The following PRKG1 variants were observed in gnomAD, a reference collection of about 807,000 sequenced individuals.
The protein encoded by PRKG1 is protein kinase cGMP-dependent 1, also known as cGMP-dependent protein kinase 1.
Under a neutral mutation model 88.1 loss-of-function variants are expected in PRKG1, and 35 were observed. The observed-to-expected ratio is 0.40, with a 90% confidence interval of 0.30 to 0.53. PRKG1 has a LOEUF of 0.53. PRKG1 is among the 20% of genes least tolerant of loss of function. The pLI, the probability that PRKG1 is intolerant of heterozygous loss-of-function variation, is 0.59. For missense variants in PRKG1, 540 were observed against 839.8 expected, an observed-to-expected ratio of 0.64 and a Z score of 4.41; for synonymous variants, 303 against 292.5, an observed-to-expected ratio of 1.04 and a Z score of -0.37.
intron 1 of PRKG1, among the ~76,000 whole-genome samples, chr10:51,062,110 T>C (rs758460130): frequency 1.3e-5 from 2 of 152,196 alleles, no homozygotes; most frequent in African/African-American, 2.4e-5. Flanking sequence ...TTGCTCCTGA[T>C]GGGCAGGAAG....
At chr10:52,089,872 T>A (rs1484022914) in intron 7 of PRKG1, among the ~76,000 whole-genome samples, 1 of 128,934 alleles carries the variant, frequency 7.8e-6, no homozygotes, top group African/African-American at 2.9e-5. Flanking sequence ...TGCAGTGGAG[T>A]GGCACAATCT....
At chr10:51,606,345 G>A (rs186226828) in intron 3 of PRKG1, among the ~76,000 whole-genome samples, 189 of 152,260 alleles carry the variant, frequency 1.2e-3, no homozygotes, top group Admixed American at 6.3e-3. Context: ...TCTTTCTGAG[G>A]CCTGAAGAAG....
At chr10:51,750,566 G>A (rs754012220) in intron 3 of PRKG1, among the ~76,000 whole-genome samples, 7 of 152,254 alleles carry the variant, frequency 4.6e-5, no homozygotes, top group South Asian at 2.1e-4. Context: ...GCTATTAGGC[G>A]TTTACTGTTT....
At chr10:51,508,548 CT>C (rs199811117) in intron 3 of PRKG1, among the ~76,000 whole-genome samples, 23 of 151,034 alleles carry the variant, frequency 1.5e-4, no homozygotes, top group Middle Eastern at 3.5e-3. Flanking sequence ...GTGAGAATGA[CT>C]TTTTTTAAAA....
intron 2 of PRKG1, among the ~76,000 whole-genome samples, chr10:51,306,187 C>A (rs1841031929): frequency 6.6e-6 from 1 of 152,168 alleles, no homozygotes. Flanking sequence ...GCTTTCTTTT[C>A]ATTCCATTAC....
chr10:52,044,442 A>G (rs1845818630), intron 5 of PRKG1, among the ~76,000 whole-genome samples: 1 of 152,168 alleles, frequency 6.6e-6, no homozygotes, highest in South Asian at 2.1e-4. Flanking sequence ...TAATTTTAAA[A>G]ACGACAGAAC....
At chr10:52,116,276 T>C (rs1847685085) in intron 7 of PRKG1, among the ~76,000 whole-genome samples, 1 of 152,180 alleles carries the variant, frequency 6.6e-6, no homozygotes. Context: ...TATACGTGTT[T>C]AGTGTAACTA....
At chr10:52,130,454 C>A (rs1837223548) in intron 7 of PRKG1, among the ~76,000 whole-genome samples, 1 of 152,050 alleles carries the variant, frequency 6.6e-6, no homozygotes, top group Admixed American at 6.6e-5. Context: ...TTTTAAAAAT[C>A]TATATGCACA....
chr10:51,291,086 T>C (rs1840571026), intron 2 of PRKG1, among the ~76,000 whole-genome samples: 1 of 152,168 alleles, frequency 6.6e-6, no homozygotes, highest in African/African-American at 2.4e-5. Flanking sequence ...TATTTCTTCA[T>C]AGAACACAGA....
chr10:51,845,591 G>A (rs564809688), intron 4 of PRKG1, among the ~76,000 whole-genome samples: 30 of 152,180 alleles, frequency 2.0e-4, no homozygotes, highest in Admixed American at 6.5e-4. Flanking sequence ...ATACAAATAA[G>A]TACCAAAAAT....
At chr10:51,773,194 A>G (rs905500391) in intron 3 of PRKG1, among the ~76,000 whole-genome samples, 1 of 152,074 alleles carries the variant, frequency 6.6e-6, no homozygotes, top group Non-Finnish European at 1.5e-5. Flanking sequence ...ACCTTGATTT[A>G]TGCTATAGTT....
At chr10:51,797,445 T>G (rs1661181625) in intron 3 of PRKG1, among the ~76,000 whole-genome samples, 1 of 146,128 alleles carries the variant, frequency 6.8e-6, no homozygotes, top group South Asian at 2.1e-4. Flanking sequence ...ATGTAATATA[T>G]TTATACTATA....
intron 9 of PRKG1, among the ~76,000 whole-genome samples, chr10:52,224,795 C>T (rs1206119115): frequency 1.1e-5 from 1 of 92,486 alleles, no homozygotes; most frequent in East Asian, 2.7e-4. Context: ...TTTATGGCTG[C>T]ATAGTATTCC....
At chr10:52,151,118 C>A (rs1488480689) in intron 8 of PRKG1, among the ~76,000 whole-genome samples, 1 of 152,052 alleles carries the variant, frequency 6.6e-6, no homozygotes, top group Non-Finnish European at 1.5e-5. Context: ...GGTACATGTG[C>A]AGTTTTGTTA....
At chr10:51,691,377 G>A (rs1038148557) in intron 3 of PRKG1, among the ~76,000 whole-genome samples, 3 of 149,094 alleles carry the variant, frequency 2.0e-5, no homozygotes, top group African/African-American at 5.0e-5. Context: ...GCGAGATCCC[G>A]GCTCACTGCA....
At chr10:51,325,755 G>A (rs924375628) in intron 2 of PRKG1, among the ~76,000 whole-genome samples, 7 of 152,092 alleles carry the variant, frequency 4.6e-5, no homozygotes, top group Non-Finnish European at 8.8e-5. Flanking sequence ...TTTCCTGACT[G>A]TGCAGGGACT....
chr10:51,828,113 T>C (rs1009884117), intron 4 of PRKG1, among the ~76,000 whole-genome samples: 1 of 152,186 alleles, frequency 6.6e-6, no homozygotes, highest in Non-Finnish European at 1.5e-5. Flanking sequence ...CTATATATAT[T>C]AGGTTGGAGC....
At chr10:52,126,592 T>C (rs10740419) in intron 7 of PRKG1, among the ~76,000 whole-genome samples, 152,048 of 152,272 alleles carry the variant, frequency 1, 75,912 homozygotes, top group Middle Eastern at 1. Flanking sequence ...GTGATCTTCC[T>C]GCCTCAGCCT....
chr10:51,502,893 C>T (rs113917171), intron 3 of PRKG1, among the ~76,000 whole-genome samples: 192 of 152,268 alleles, frequency 1.3e-3, no homozygotes, highest in African/African-American at 4.4e-3. Context: ...GCTTATAAAT[C>T]AGCTGTAAGG....
Sources: gnomAD v4.1 joint callset for allele counts (sites outside exome capture counted in the v4.1 genomes callset) on GRCh38, gnomAD v4.1.1 for gene constraint, MANE v1.5 for transcripts, NCBI Gene and HGNC (gene_info 2026-07-23, HGNC 2026-07-21) for gene names.